DLG2: variants seen among roughly 807,000 people sequenced by gnomAD.
DLG2 encodes the protein disks large homolog 2.
DLG2 carries 45 observed loss-of-function variants against 132.5 expected under a neutral mutation model. The observed-to-expected ratio is 0.34, with a 90% CI of 0.27 to 0.44. DLG2 has a LOEUF of 0.44. Among genes scored for constraint, DLG2 ranks in the 20% least tolerant of loss-of-function variants. The probability of loss-of-function intolerance (pLI) is 1.00; values close to 1 mark genes in which losing one functional copy is unlikely to be tolerated. For synonymous variants in DLG2, 424 were observed against 419.6 expected, an observed-to-expected ratio of 1.01 and a Z score of -0.13; for missense variants, 1,045 against 1,196.9, an observed-to-expected ratio of 0.87 and a Z score of 1.87.
At chr11:84,630,683 T>C (rs1416237187) in intron 6 of DLG2, among the ~76,000 whole-genome samples, 1 of 152,158 alleles carries the variant, frequency 6.6e-6, no homozygotes, top group Non-Finnish European at 1.5e-5. Context: ...GCTTTTTCTA[T>C]CTGAATAACA....
At chr11:85,582,402 G>A (rs1372417478) in intron 3 of DLG2, among the ~76,000 whole-genome samples, 1 of 151,944 alleles carries the variant, frequency 6.6e-6, no homozygotes, top group Non-Finnish European at 1.5e-5. Flanking sequence ...AGAGTGGGTG[G>A]CTAAGATGCT....
At chr11:83,952,029 C>T (rs2085572167) in intron 14 of DLG2, among the ~76,000 whole-genome samples, 1 of 152,030 alleles carries the variant, frequency 6.6e-6, no homozygotes, top group Non-Finnish European at 1.5e-5. Context: ...CAACAGCTCC[C>T]ATAGAACCGT....
chr11:84,222,328 G>A (rs1330447345), intron 8 of DLG2, among the ~76,000 whole-genome samples: 4 of 152,032 alleles, frequency 2.6e-5, no homozygotes, highest in East Asian at 1.9e-4. Context: ...CACCATGCCC[G>A]GCCAAGTTCT....
At chr11:85,395,285 C>T (rs2087209820) in intron 3 of DLG2, among the ~76,000 whole-genome samples, 1 of 152,166 alleles carries the variant, frequency 6.6e-6, no homozygotes, top group Admixed American at 6.5e-5. Flanking sequence ...GAAGCAGTTG[C>T]TTCCAGGGTG....
At position 83,459,689 on chromosome 11, in the gene DLG2, T is replaced by C. The variant is rs2089517737; in HGVS notation, c.*129A>G. The C allele has an allele frequency of 7.2e-5, 44 of 607,324 alleles. No homozygotes were observed. The South Asian group carries it at 9.2e-4, about 13-fold the overall frequency. 37.6% of individuals were successfully genotyped at this position (607,324 alleles called of 1,614,324 possible). ...GGCTTCATACAGTTTGTGTTGTACA[T>C]TCGTAAGAATTCACATTGACTGCAA... is the stretch of plus-strand genomic sequence containing the variant. On this transcript the variant is annotated 3_prime_UTR_variant, in exon 28 of 28. Transcript: ENST00000376104.
chr11:84,898,455 A>C (rs1566311215), intron 6 of DLG2, among the ~76,000 whole-genome samples: 1 of 151,984 alleles, frequency 6.6e-6, no homozygotes, highest in Non-Finnish European at 1.5e-5. Context: ...CTCCTGCATT[A>C]TCTTCATCAT....
intron 15 of DLG2, among the ~76,000 whole-genome samples, chr11:83,907,904 C>G (rs2075318328): frequency 6.6e-6 from 1 of 152,180 alleles, no homozygotes; most frequent in Non-Finnish European, 1.5e-5. Context: ...AGCACCTCCA[C>G]TCTCCGTTCC....
At chr11:84,234,480 G>A (rs1340970131) in intron 8 of DLG2, among the ~76,000 whole-genome samples, 10 of 152,128 alleles carry the variant, frequency 6.6e-5, no homozygotes, top group Admixed American at 6.5e-4. Flanking sequence ...ATGTGTCCCA[G>A]ATCACTCTCA....
intron 19 of DLG2, among the ~76,000 whole-genome samples, chr11:83,554,742 C>T (rs2096481848): frequency 3.9e-5 from 6 of 152,166 alleles, no homozygotes; most frequent in Admixed American, 3.9e-4. Flanking sequence ...GGCAATGGGC[C>T]TTGCTCTACT....
chr11:84,209,087 C>T (rs1330257984), intron 8 of DLG2, among the ~76,000 whole-genome samples: 2 of 152,196 alleles, frequency 1.3e-5, no homozygotes, highest in East Asian at 3.9e-4. Flanking sequence ...AATCTGGAAA[C>T]ACTAGTTTAA....
chr11:85,562,791 A>T (rs78463300), intron 3 of DLG2, among the ~76,000 whole-genome samples: 3,057 of 151,900 alleles, frequency 0.02, 112 homozygotes, highest in Admixed American at 0.038. Flanking sequence ...TCAGAGCTAA[A>T]CAGTGAATTA....
chr11:83,466,739 A>C lies in DLG2; in HGVS notation c.2698T>G (p.Phe900Val), dbSNP rs1376751805. The change falls in exon 26 of 28, where the codon TTC becomes GTC. Residue 900 changes from phenylalanine to valine, a missense_variant. By Grantham distance (50) the Phe-to-Val change is conservative (BLOSUM62 -1). Coordinates refer to ENST00000376104, the MANE Select transcript of DLG2 (RefSeq NM_001142699.3). ...GGTTCCAGAGACCTGGGTTTTATGA[A>C]GATGGCAATGGGATAGAGCTGGGCA... ...QVAQLYPIAIFIKPRSLEPLM... is the reference protein window; with the variant it reads ...QVAQLYPIAIVIKPRSLEPLM... The C allele has an allele frequency of 1.9e-6, 3 of 1,613,422 alleles. No homozygotes were observed. Among genetic ancestry groups the C allele is most frequent in the Non-Finnish European group, 2.5e-6 (3 of 1,179,504 alleles).
chr11:84,110,498 A>C (rs2093280069), intron 9 of DLG2, among the ~76,000 whole-genome samples: 1 of 152,210 alleles, frequency 6.6e-6, no homozygotes, highest in Non-Finnish European at 1.5e-5. Flanking sequence ...GATTAAATCT[A>C]AGAATTTTGT....
intron 7 of DLG2, among the ~76,000 whole-genome samples, chr11:84,480,241 T>C (rs2099133176): frequency 6.6e-6 from 1 of 152,168 alleles, no homozygotes; most frequent in South Asian, 2.1e-4. Context: ...CATGAGTCGT[T>C]AGCCATCATT....
rs115958413 is a variant in DLG2 at position 83,775,809 on chromosome 11, A to G, written c.1825+10881T>C. On this transcript the variant is annotated intron_variant, in intron 18 of 27. Transcript: ENST00000376104. Reference sequence around the variant, plus strand: ...GGAAAAAGAAGGAATATAAAGATGAATAGCCGGGCGCAGTGGCTCACGCCT... The same window carrying G: ...GGAAAAAGAAGGAATATAAAGATGAGTAGCCGGGCGCAGTGGCTCACGCCT... Among the ~76,000 whole-genome samples, 1,283 of 152,158 alleles carry G rather than the reference A, an allele frequency of 8.4e-3. 21 individuals carry two copies. Among genetic ancestry groups the G allele is most frequent in the African/African-American group, 0.029 (1,198 of 41,518 alleles).
intron 7 of DLG2, among the ~76,000 whole-genome samples, chr11:84,296,734 T>C (rs1224593357): frequency 6.6e-6 from 1 of 152,152 alleles, no homozygotes; most frequent in African/African-American, 2.4e-5. Context: ...GCTGTACTTA[T>C]GATTTCATAT....
intron 4 of DLG2, among the ~76,000 whole-genome samples, chr11:85,207,251 T>C (rs758191041): frequency 3.3e-5 from 5 of 152,170 alleles, no homozygotes; most frequent in South Asian, 2.1e-4. Context: ...GTGTAAACAA[T>C]TGCATTCTTT....
chr11:83,930,351 C>T lies in DLG2; in HGVS notation c.1473G>A (p.Leu491=), dbSNP rs1373469720. The change falls in exon 15 of 28, where the codon CTG becomes CTA. Residue 491 remains leucine (L), a synonymous_variant. Transcript: ENST00000376104. Reference sequence around the variant, plus strand: ...ACCTGGTCATCTCAGAGTCAGGTAGCAGGCCTAGGTGGTAGTGGGAATAGG... The same window carrying T: ...ACCTGGTCATCTCAGAGTCAGGTAGTAGGCCTAGGTGGTAGTGGGAATAGG... ...SAPYSHYHLG[L]LPDSEMTSHS... 1.9e-6 allele frequency: 3 copies of T among 1,613,820 alleles called. No homozygotes were observed. The highest frequency in any genetic ancestry group is 1.1e-5 in the South Asian group (1 of 91,058).
At chr11:84,861,374 C>T (rs192081981) in intron 6 of DLG2, among the ~76,000 whole-genome samples, 1 of 151,934 alleles carries the variant, frequency 6.6e-6, no homozygotes, top group Non-Finnish European at 1.5e-5. Flanking sequence ...CCTCCAGCTA[C>T]GTAACTTCTG....
Sources: gnomAD v4.1 joint callset for allele counts (sites outside exome capture counted in the v4.1 genomes callset) on GRCh38, gnomAD v4.1.1 for gene constraint, MANE v1.5 for transcripts, NCBI Gene and HGNC (gene_info 2026-07-23, HGNC 2026-07-21) for gene names.